The following UGT2B11 variants were observed in gnomAD, a reference collection of about 807,000 sequenced individuals.
UGT2B11 encodes the protein UDP-glucuronosyltransferase 2B11.
UGT2B11 carries 49 observed loss-of-function variants against 51.7 expected under a neutral mutation model. The ratio of observed to expected loss-of-function variants is 0.95; its 90% confidence interval spans 0.75 to 1.20. UGT2B11 has a LOEUF of 1.20. Ranked by LOEUF, UGT2B11 falls within the 50% of genes most tolerant of loss-of-function variation. The pLI, the probability that UGT2B11 is intolerant of heterozygous loss-of-function variation, is 0.00. For missense variants in UGT2B11, 810 were observed against 622.1 expected, an observed-to-expected ratio of 1.30 and a Z score of -3.21; for synonymous variants, 273 against 209.0, an observed-to-expected ratio of 1.31 and a Z score of -2.64.
chr4:69,213,940 A>T (rs1722165483), intron 1 of UGT2B11, 62 bp downstream of exon 1: 1 of 1,488,454 alleles, frequency 6.7e-7, no homozygotes, highest in Non-Finnish European at 8.9e-7. Flanking sequence ...GCTTTATAAA[A>T]GCTCTGCTTC....
rs1337547735 is a variant in UGT2B11 at position 69,200,562 on chromosome 4, AG to A, written c.1467del (p.Ser490LeufsTer4). The A allele has an allele frequency of 6.2e-7, 1 of 1,612,336 alleles. No individual in the cohort carries two copies. Among genetic ancestry groups the A allele is most frequent in the Non-Finnish European group, 8.5e-7 (1 of 1,179,012 alleles). ...AAHDLTWFQY[H>X]SLDVIGFLLA... ...AGCAGAAACCCAATCACATCCAAAG[AG>A]TGGTACTGGAACCAGGTGAGGTCAT... On this transcript the variant is annotated frameshift_variant, in exon 6 of 6. Coordinates refer to ENST00000446444, the MANE Select transcript of UGT2B11 (RefSeq NM_001073.3). LOFTEE classifies it high-confidence loss of function.
the UGT2B11 span, among the ~76,000 whole-genome samples, chr4:69,223,940 T>C: frequency 6.6e-6 from 1 of 152,150 alleles, no homozygotes; most frequent in Non-Finnish European, 1.5e-5. Context: ...AAAGTCTATC[T>C]GGGGAGCAAT....
chr4:69,215,474 T>C (rs1722241394), upstream of UGT2B11: 1 of 152,038 alleles, frequency 6.6e-6, no homozygotes, highest in Non-Finnish European at 1.5e-5. Context: ...TCATTTTTAT[T>C]GCCAAATTGT....
chr4:69,208,246 G>A, intron 3 of UGT2B11, 105 bp downstream of exon 3: 1 of 1,559,252 alleles, frequency 6.4e-7, no homozygotes, highest in Non-Finnish European at 8.7e-7. Context: ...GGATGTATTT[G>A]GATGTAAAGA....
chr4:69,208,148 G>A (rs946685959), intron 3 of UGT2B11, among the ~76,000 whole-genome samples: 1 of 151,444 alleles, frequency 6.6e-6, no homozygotes, highest in African/African-American at 2.4e-5. Context: ...AATACCAAGG[G>A]TAGTAACTCC....
At chr4:69,221,204 T>G in the UGT2B11 span, among the ~76,000 whole-genome samples, 25 of 152,324 alleles carry the variant, frequency 1.6e-4, no homozygotes, top group South Asian at 2.7e-3. Context: ...AAAAATGCCT[T>G]AAGGTAGACA....
the UGT2B11 span, among the ~76,000 whole-genome samples, chr4:69,220,223 C>A: frequency 6.7e-6 from 1 of 150,286 alleles, no homozygotes; most frequent in Non-Finnish European, 1.5e-5. Context: ...ACAGGTCACA[C>A]TGATATAAGC....
At chr4:69,212,796 A>G (rs1476106282) in intron 1 of UGT2B11, 75 bp from the exon 2 acceptor site, 2 of 1,502,214 alleles carry the variant, frequency 1.3e-6, no homozygotes, top group South Asian at 2.8e-5. Flanking sequence ...AAAAGGTTAG[A>G]ACAATGTAAG....
In UGT2B11 at chr4:69,209,250, C is replaced by A. The variant is rs145128096; in HGVS notation, c.871-768G>T. On this transcript the variant is annotated intron_variant, in intron 2 of 5. Coordinates refer to ENST00000446444, the MANE Select transcript of UGT2B11 (RefSeq NM_001073.3). ...TTTGGGTTTTTGTTTAGGTGGAGCA[C>A]CTATTGCCCTGAAATCACACTGTTA... Among the ~76,000 whole-genome samples, 1,099 of 151,614 alleles carry A rather than the reference C, an allele frequency of 7.2e-3. 13 individuals are homozygous for A. The highest frequency in any genetic ancestry group is 0.025 in the African/African-American group (1,018 of 41,428).
chr4:69,222,790 G>A, the UGT2B11 span, among the ~76,000 whole-genome samples: 6 of 152,170 alleles, frequency 3.9e-5, no homozygotes, highest in East Asian at 1.9e-4. Flanking sequence ...TGAGAAGGGG[G>A]CATGCACATG....
At chr4:69,224,395 A>G in the UGT2B11 span, among the ~76,000 whole-genome samples, 2 of 152,140 alleles carry the variant, frequency 1.3e-5, no homozygotes, top group Non-Finnish European at 2.9e-5. Context: ...GTGAAAGAGT[A>G]TGAACCGGAT....
At chr4:69,220,343 G>T in the UGT2B11 span, among the ~76,000 whole-genome samples, 2 of 152,040 alleles carry the variant, frequency 1.3e-5, no homozygotes, top group African/African-American at 2.4e-5. Context: ...TTTTCCAGTT[G>T]CATGGTCTAA....
the UGT2B11 span, among the ~76,000 whole-genome samples, chr4:69,224,253 G>T: frequency 3.3e-5 from 5 of 152,162 alleles, no homozygotes; most frequent in African/African-American, 1.2e-4. Context: ...GGGGTCAGAA[G>T]ATGTGGTGGT....
the UGT2B11 span, among the ~76,000 whole-genome samples, chr4:69,224,326 C>T: frequency 1.3e-5 from 2 of 152,094 alleles, no homozygotes; most frequent in Admixed American, 6.6e-5. Flanking sequence ...ACCAGGAAAT[C>T]TGGGTGACTA....
upstream of UGT2B11, among the ~76,000 whole-genome samples, chr4:69,219,514 T>C (rs1395020916): frequency 1.3e-5 from 2 of 152,160 alleles, no homozygotes; most frequent in Admixed American, 1.3e-4. Flanking sequence ...TAGCGTTTTC[T>C]CATGCTGTTA....
intron 1 of UGT2B11, among the ~76,000 whole-genome samples, chr4:69,213,487 T>TGAC (rs1218678126): frequency 6.6e-6 from 1 of 151,776 alleles, no homozygotes; most frequent in African/African-American, 2.4e-5. Context: ...TCACCCTTAT[T>TGAC]GACTTTTGCA....
At chr4:69,206,292 C>T (rs35443238) in intron 3 of UGT2B11, among the ~76,000 whole-genome samples, 3,860 of 123,210 alleles carry the variant, frequency 0.031, 61 homozygotes, top group Non-Finnish European at 0.053. Flanking sequence ...TATTATGCAG[C>T]CATAAAAAAA....
intron 3 of UGT2B11, among the ~76,000 whole-genome samples, chr4:69,207,677 C>T (rs987819193): frequency 7.3e-5 from 11 of 151,580 alleles, no homozygotes; most frequent in African/African-American, 2.7e-4. Context: ...TTTCATCTTC[C>T]TGCTTCAGGC....
Position 69,214,089 on chromosome 4 carries a change from T to A in UGT2B11, c.634A>T (p.Lys212Ter), listed in dbSNP as rs769973233. ...AAATAAAGCACATAGATCATATTTT[T>A]TACCCTCTCCATGAAAGTCATTTGA... ...SDQMTFMERV[K>*]NMIYVLYFDF... The change falls in exon 1 of 6, where the codon AAA becomes TAA. Residue 212 changes from lysine (K) to a stop codon, truncating the protein, a stop_gained. Coordinates refer to ENST00000446444, the MANE Select transcript of UGT2B11 (RefSeq NM_001073.3). LOFTEE classifies it high-confidence loss of function. 1 of 1,611,516 alleles carries A rather than the reference T, an allele frequency of 6.2e-7. No individual in the cohort carries two copies. Among genetic ancestry groups the A allele is most frequent in the Non-Finnish European group, 8.5e-7 (1 of 1,178,754 alleles).
Sources: allele counts gnomAD v4.1 joint callset (sites outside exome capture counted in the v4.1 genomes callset), GRCh38; gene constraint gnomAD v4.1.1; transcripts MANE v1.5; gene names NCBI Gene and HGNC (gene_info 2026-07-23, HGNC 2026-07-21).